The following ALK variants were observed in gnomAD, a reference collection of about 807,000 sequenced individuals.
ALK encodes the protein ALK receptor tyrosine kinase.
A neutral mutation model predicts 163.1 loss-of-function variants in ALK; 74 were observed. The ratio of observed to expected loss-of-function variants is 0.45; its 90% CI spans 0.38 to 0.55. ALK has a LOEUF of 0.55. ALK is among the 20% of genes least tolerant of loss of function. ALK has a pLI of 0.00. For missense variants in ALK, 2,063 were observed against 2,105.3 expected (o/e 0.98, Z 0.39); for synonymous variants, 960 against 843.2 (o/e 1.14, Z -2.40).
At chr2:29,465,815 C>G (rs1388850932) in intron 4 of ALK, among the ~76,000 whole-genome samples, 1 of 151,976 alleles carries the variant, frequency 6.6e-6, no homozygotes, top group Admixed American at 6.6e-5. Context: ...AATATTTAGG[C>G]AAATTAAAAA....
intron 4 of ALK, among the ~76,000 whole-genome samples, chr2:29,432,504 C>T (rs772680002): frequency 6.0e-4 from 92 of 152,086 alleles, no homozygotes; most frequent in African/African-American, 1.9e-3. Flanking sequence ...TATAAATTAC[C>T]GTCTTAGGTA....
chr2:29,773,934 A>G (rs1225611275), intron 1 of ALK, among the ~76,000 whole-genome samples: 1 of 152,216 alleles, frequency 6.6e-6, no homozygotes, highest in Non-Finnish European at 1.5e-5. Context: ...ATCTTGAGAA[A>G]AACATAATTT....
chr2:29,423,395 C>T (rs1670064624), intron 4 of ALK, among the ~76,000 whole-genome samples: 1 of 152,226 alleles, frequency 6.6e-6, no homozygotes, highest in Non-Finnish European at 1.5e-5. Flanking sequence ...AATGTGGGCC[C>T]TTCAGTGACT....
chr2:29,301,731 G>A (rs559921225), intron 8 of ALK, among the ~76,000 whole-genome samples: 1 of 152,340 alleles, frequency 6.6e-6, no homozygotes, highest in East Asian at 1.9e-4. Flanking sequence ...GCCCTGTCTT[G>A]TCTATTCTGG....
chr2:29,265,286 GGGATTAC>G (rs1665192578), intron 11 of ALK, among the ~76,000 whole-genome samples: 1 of 152,136 alleles, frequency 6.6e-6, no homozygotes, highest in East Asian at 1.9e-4. Flanking sequence ...CCAAAGTGCT[GGGATTAC>G]AGGCATGAGC....
rs1215186876 is a variant in ALK at position 29,196,855 on chromosome 2, C to T, written c.4079G>A (p.Arg1360Gln). 9.3e-6 allele frequency: 15 copies of T among 1,612,008 alleles called. No individual in the cohort carries two copies. Among genetic ancestry groups the T allele is most frequent in the African/African-American group, 6.7e-5 (5 of 74,858 alleles). Reference sequence around the variant, plus strand: ...ATGTTGCCAGCACTGAGTCATTATCCGGTATCTAAAAGAAGAAGCACATTA... The same window carrying T: ...ATGTTGCCAGCACTGAGTCATTATCTGGTATCTAAAAGAAGAAGCACATTA... ...PPKNCPGPVY[R>Q]IMTQCWQHQP... Residue 1360 changes from arginine to glutamine, a missense_variant, in exon 28 of 29, where the codon CGG becomes CAG. By Grantham distance (43) the Arg-to-Gln change is conservative (BLOSUM62 1). Around this residue, in one of 5 missense-constraint regions of ALK, gnomAD observed 403 missense variants for 366.2 expected, o/e 1.10. Coordinates refer to ENST00000389048, the MANE Select transcript of ALK (RefSeq NM_004304.5).
In ALK at chr2:29,323,695, G is replaced by A. The variant is rs774645293; in HGVS notation, c.1415-2813C>T. Among the ~76,000 whole-genome samples the A allele has an allele frequency of 7.9e-5, 12 of 152,102 alleles. No individual in the cohort carries two copies. The East Asian group carries it at 1.9e-3, about 24-fold the overall frequency. The stretch of plus-strand genomic sequence containing the variant: ...AGCTGGTGGGTTAAGGTTAAGAGTC[G>A]GAACAAAGACCCCTGTGGATTAGGC... On this transcript the variant is annotated intron_variant, in intron 6 of 28. Coordinates refer to ENST00000389048, the MANE Select transcript of ALK (RefSeq NM_004304.5).
Position 29,319,747 on chromosome 2 carries a change from G to A in ALK, c.1546+1004C>T, listed in dbSNP as rs143131599. ...GCTGTAGTGGAAATTATCAAACTGG[G>A]AACAGAGACATGAAGGGCACATCCA... On this transcript the variant is annotated intron_variant, in intron 7 of 28. Transcript: ENST00000389048. Among the ~76,000 whole-genome samples, 238 of 152,350 alleles carry A rather than the reference G, an allele frequency of 1.6e-3. 1 individual carries two copies. The highest frequency in any genetic ancestry group is 2.7e-3 in the Non-Finnish European group (185 of 68,034).
In ALK at chr2:29,763,819, C is replaced by T. The variant is rs187922124; in HGVS notation, c.668-46122G>A. Among the ~76,000 whole-genome samples the T allele has an allele frequency of 2.0e-5, 3 of 152,294 alleles. No individual in the cohort carries two copies. In the East Asian group the frequency reaches 5.8e-4, roughly 29 times the overall value. On this transcript the variant is annotated intron_variant, in intron 1 of 28. Coordinates refer to ENST00000389048, the MANE Select transcript of ALK (RefSeq NM_004304.5). ...AGGGCACTGAAAGGTGACTTGGCTCCTGTTCACACACAATAGAGCCCAGGC... is the reference window on the plus strand; with the variant it reads ...AGGGCACTGAAAGGTGACTTGGCTCTTGTTCACACACAATAGAGCCCAGGC...
intron 3 of ALK, among the ~76,000 whole-genome samples, chr2:29,569,881 C>T (rs2148189371): frequency 6.6e-6 from 1 of 152,342 alleles, no homozygotes; most frequent in South Asian, 2.1e-4. Context: ...CCCTTCCCTC[C>T]TCTGCATTAT....
chr2:29,773,413 C>T (rs775504726), intron 1 of ALK, among the ~76,000 whole-genome samples: 41 of 152,182 alleles, frequency 2.7e-4, no homozygotes, highest in Admixed American at 7.2e-4. Flanking sequence ...AGTGACCTCT[C>T]TCTTCCCCTC....
intron 3 of ALK, among the ~76,000 whole-genome samples, chr2:29,599,281 A>C (rs1255924772): frequency 6.6e-6 from 1 of 152,216 alleles, no homozygotes; most frequent in African/African-American, 2.4e-5. Context: ...TATAAGGCAC[A>C]ATCCCAGATG....
intron 4 of ALK, among the ~76,000 whole-genome samples, chr2:29,447,555 C>T (rs141794670): frequency 4.6e-5 from 7 of 152,286 alleles, no homozygotes; most frequent in East Asian, 3.9e-4. Flanking sequence ...CTTCTGAGCA[C>T]GCATAAAAGA....
At chr2:29,869,535 A>G (rs937748052) in intron 1 of ALK, among the ~76,000 whole-genome samples, 5 of 152,196 alleles carry the variant, frequency 3.3e-5, no homozygotes, top group Non-Finnish European at 7.4e-5. Context: ...TTTAAAATCA[A>G]CACTGGAACA....
At chr2:29,274,998 T>C in intron 11 of ALK, 101 bp downstream of exon 11, 1 of 1,480,244 alleles carries the variant, frequency 6.8e-7, no homozygotes, top group Non-Finnish European at 9.4e-7. Context: ...GACTGTTTCA[T>C]TCTTTCAGCA....
intron 11 of ALK, among the ~76,000 whole-genome samples, chr2:29,254,291 T>TTCTC (rs200450563): frequency 6.5e-4 from 74 of 114,388 alleles, no homozygotes; most frequent in South Asian, 6.5e-4. Flanking sequence ...TGAATACATA[T>TTCTC]TCTCTCTCTC....
At chr2:29,696,364 T>C (rs960833111) in intron 2 of ALK, among the ~76,000 whole-genome samples, 1 of 151,690 alleles carries the variant, frequency 6.6e-6, no homozygotes, top group African/African-American at 2.4e-5. Flanking sequence ...GAGAGAAACA[T>C]TACACACCAG....
intron 11 of ALK, among the ~76,000 whole-genome samples, chr2:29,254,553 G>A (rs13424578): frequency 0.019 from 2,922 of 152,254 alleles, 91 homozygotes; most frequent in African/African-American, 0.065. Flanking sequence ...ATTCAGATAG[G>A]CTGTGTTCTC....
At chr2:29,604,797 A>G (rs954720292) in intron 3 of ALK, among the ~76,000 whole-genome samples, 2 of 152,172 alleles carry the variant, frequency 1.3e-5, no homozygotes, top group African/African-American at 4.8e-5. Flanking sequence ...CAAAGCCACA[A>G]GCCTATGCAG....
Sources: gnomAD v4.1 joint callset for allele counts (sites outside exome capture counted in the v4.1 genomes callset) on GRCh38, gnomAD v4.1.1 for gene constraint, gnomAD v4.1.1 regional missense constraint, MANE v1.5 for transcripts, NCBI Gene and HGNC (gene_info 2026-07-23, HGNC 2026-07-21) for gene names.